The following QTMAN variants were observed in gnomAD, a reference collection of about 807,000 sequenced individuals.
The protein encoded by QTMAN is tRNA-queuosine alpha-mannosyltransferase.
chr2:143,992,632 G>C, the QTMAN span, among the ~76,000 whole-genome samples: 4 of 152,092 alleles, frequency 2.6e-5, no homozygotes, highest in Admixed American at 2.6e-4. Context: ...TATAAACTCA[G>C]CAAAAATATA....
the QTMAN span, among the ~76,000 whole-genome samples, chr2:144,270,417 A>G: frequency 6.6e-6 from 1 of 152,226 alleles, no homozygotes; most frequent in Non-Finnish European, 1.5e-5. Flanking sequence ...AATGCCCATC[A>G]ATGATAGACT....
the QTMAN span, among the ~76,000 whole-genome samples, chr2:144,152,993 G>C: frequency 2.6e-5 from 4 of 152,164 alleles, no homozygotes; most frequent in Non-Finnish European, 5.9e-5. Flanking sequence ...TGAAAAACCA[G>C]GAAGTCTCAG....
the QTMAN span, among the ~76,000 whole-genome samples, chr2:144,132,167 A>G: frequency 2.0e-5 from 3 of 151,990 alleles, no homozygotes; most frequent in Non-Finnish European, 4.4e-5. Context: ...TATTTAGCAC[A>G]TAAATAACAA....
the QTMAN span, among the ~76,000 whole-genome samples, chr2:144,185,590 G>A: frequency 6.6e-6 from 1 of 152,126 alleles, no homozygotes; most frequent in Admixed American, 6.5e-5. Context: ...ACCAGAAAGA[G>A]TACTAGTAAC....
chr2:144,225,440 A>G, the QTMAN span, among the ~76,000 whole-genome samples: 1 of 152,192 alleles, frequency 6.6e-6, no homozygotes, highest in Non-Finnish European at 1.5e-5. Flanking sequence ...TCAAAAACCT[A>G]TACTTTTTCT....
At chr2:144,032,472 C>T in the QTMAN span, among the ~76,000 whole-genome samples, 6 of 152,136 alleles carry the variant, frequency 3.9e-5, no homozygotes, top group African/African-American at 7.2e-5. Context: ...AAAAGATTTG[C>T]TCAAAAGAAA....
the QTMAN span, among the ~76,000 whole-genome samples, chr2:144,235,226 G>A: frequency 6.6e-6 from 1 of 152,104 alleles, no homozygotes; most frequent in Admixed American, 6.5e-5. Flanking sequence ...AGAATGAAAG[G>A]TGTAGAAGAA....
chr2:144,301,568 A>AT, the QTMAN span, among the ~76,000 whole-genome samples: 3 of 152,180 alleles, frequency 2.0e-5, no homozygotes, highest in Non-Finnish European at 4.4e-5. Context: ...CCATGCTGGT[A>AT]TTTATTTCCT....
At chr2:144,216,238 A>G in the QTMAN span, among the ~76,000 whole-genome samples, 3 of 152,138 alleles carry the variant, frequency 2.0e-5, no homozygotes, top group African/African-American at 7.2e-5. Context: ...AACTCCTCCT[A>G]AATATGACTT....
chr2:144,232,803 T>A, the QTMAN span, among the ~76,000 whole-genome samples: 5,054 of 152,284 alleles, frequency 0.033, 127 homozygotes, highest in Non-Finnish European at 0.051. Flanking sequence ...TTTCATCGAA[T>A]GCTTGCTCAT....
the QTMAN span, chr2:144,005,836 C>T: frequency 1.3e-5 from 2 of 151,964 alleles, no homozygotes; most frequent in African/African-American, 4.8e-5. Context: ...TCACTCTTTC[C>T]TCCATATTGC....
chr2:143,961,042 T>C, the QTMAN span, among the ~76,000 whole-genome samples: 2 of 152,150 alleles, frequency 1.3e-5, no homozygotes, highest in Admixed American at 1.3e-4. Flanking sequence ...AGAGGTGACA[T>C]GGCTAATCAA....
At chr2:144,105,991 T>A in the QTMAN span, among the ~76,000 whole-genome samples, 1 of 152,186 alleles carries the variant, frequency 6.6e-6, no homozygotes, top group African/African-American at 2.4e-5. Flanking sequence ...CAGAATTTCA[T>A]ATCCAGCCAA....
At chr2:144,232,589 A>G in the QTMAN span, among the ~76,000 whole-genome samples, 1 of 152,194 alleles carries the variant, frequency 6.6e-6, no homozygotes, top group African/African-American at 2.4e-5. Context: ...TTTTTAAAAT[A>G]AAGATCAGTC....
the QTMAN span, among the ~76,000 whole-genome samples, chr2:144,168,036 A>C: frequency 6.6e-6 from 1 of 152,288 alleles, no homozygotes; most frequent in East Asian, 1.9e-4. Flanking sequence ...TTTTACCAAA[A>C]CTGCTATGAT....
At chr2:144,186,522 T>C in the QTMAN span, among the ~76,000 whole-genome samples, 1 of 152,186 alleles carries the variant, frequency 6.6e-6, no homozygotes, top group Non-Finnish European at 1.5e-5. Flanking sequence ...GTGGGTTTTA[T>C]TTTCGTTTTG....
chr2:144,289,008 T>C, the QTMAN span, among the ~76,000 whole-genome samples: 6 of 150,220 alleles, frequency 4.0e-5, no homozygotes, highest in Non-Finnish European at 8.9e-5. Flanking sequence ...TAAGAAAATA[T>C]AATTGTTGGA....
chr2:144,227,790 G>C, the QTMAN span, among the ~76,000 whole-genome samples: 1 of 152,130 alleles, frequency 6.6e-6, no homozygotes, highest in South Asian at 2.1e-4. Flanking sequence ...CTTTAGAATG[G>C]CTCATTCAAC....
At chr2:144,290,009 G>T in the QTMAN span, among the ~76,000 whole-genome samples, 2 of 152,134 alleles carry the variant, frequency 1.3e-5, no homozygotes. Flanking sequence ...CCAAGTTTCA[G>T]CCAATCAAAG....
Sources: gnomAD v4.1 joint callset for allele counts (sites outside exome capture counted in the v4.1 genomes callset) on GRCh38, gnomAD v4.1.1 for gene constraint, MANE v1.5 for transcripts, NCBI Gene and HGNC (gene_info 2026-07-23, HGNC 2026-07-21) for gene names.